The following IL6ST variants were observed in gnomAD, a reference collection of about 807,000 sequenced individuals.
The protein encoded by IL6ST is interleukin-6 receptor subunit beta.
In IL6ST, 24 loss-of-function variants were observed where a neutral mutation model predicts 91.3. That is an observed-to-expected ratio of 0.26 (90% confidence interval 0.19 to 0.37). IL6ST has a LOEUF of 0.37. IL6ST is among the 10% of genes least tolerant of loss of function. IL6ST has a pLI of 1.00. For synonymous variants in IL6ST, 351 were observed against 373.6 expected (o/e 0.94, Z 0.70); for missense variants, 914 against 1,078.5 (o/e 0.85, Z 2.14).
chr5:55,955,083 T>A (rs570104113), intron 10 of IL6ST, 91 bp from the exon 11 acceptor site: 40 of 907,328 alleles, frequency 4.4e-5, no homozygotes, highest in Non-Finnish European at 6.6e-5. Context: ...ATGTGATTTA[T>A]CAATTTTTGT....
At chr5:55,978,710 G>A (rs1420570463) in intron 2 of IL6ST, among the ~76,000 whole-genome samples, 1 of 152,236 alleles carries the variant, frequency 6.6e-6, no homozygotes, top group Non-Finnish European at 1.5e-5. Context: ...AGGTGACAGA[G>A]CGAGACTCCG....
intron 8 of IL6ST, among the ~76,000 whole-genome samples, chr5:55,957,720 C>T (rs1216362178): frequency 1.3e-5 from 2 of 152,104 alleles, no homozygotes; most frequent in African/African-American, 4.8e-5. Context: ...ATGATCAACA[C>T]ATCACTGCTT....
intron 2 of IL6ST, among the ~76,000 whole-genome samples, chr5:55,981,427 A>C (rs1458479364): frequency 1.3e-5 from 2 of 152,126 alleles, no homozygotes; most frequent in African/African-American, 4.8e-5. Flanking sequence ...GGCGGATGAC[A>C]AGGTCAGGAG....
intron 3 of IL6ST, among the ~76,000 whole-genome samples, chr5:55,972,610 T>C (rs990115624): frequency 6.6e-6 from 1 of 152,212 alleles, no homozygotes; most frequent in African/African-American, 2.4e-5. Flanking sequence ...GCTACCAGGC[T>C]GAGATTAAAT....
chr5:55,983,357 G>T (rs1044360799), intron 1 of IL6ST, among the ~76,000 whole-genome samples: 1 of 152,108 alleles, frequency 6.6e-6, no homozygotes, highest in East Asian at 1.9e-4. Context: ...CTTCCCTGAC[G>T]TCTATGTAAT....
In IL6ST at chr5:55,936,174, A is replaced by G; in HGVS notation, c.*4908T>C. 1.8e-5 allele frequency: 4 copies of G among 226,798 alleles called. No homozygotes were observed. Among genetic ancestry groups the G allele is most frequent in the Non-Finnish European group, 3.5e-5 (4 of 114,000 alleles). 14.0% of individuals were successfully genotyped at this position (226,798 alleles called of 1,614,324 possible). A position where few individuals can be genotyped will look rare whatever the true frequency, so the allele number is the denominator to read the frequency against. ...GGACTTGCTGACTGATTAGTTTCATATACTACTTAGTAACCTCAAGAAGTA... is the reference window on the plus strand; with the variant it reads ...GGACTTGCTGACTGATTAGTTTCATGTACTACTTAGTAACCTCAAGAAGTA... On this transcript the variant is annotated 3_prime_UTR_variant, in exon 17 of 17. Coordinates refer to ENST00000381298, the MANE Select transcript of IL6ST (RefSeq NM_002184.4).
chr5:55,978,313 A>G (rs935407694), intron 2 of IL6ST: 1 of 152,266 alleles, frequency 6.6e-6, no homozygotes, highest in Non-Finnish European at 1.5e-5. Flanking sequence ...AAACTTGAAA[A>G]ATATGCAGGA....
intron 7 of IL6ST, 26 bp from the exon 8 acceptor site, chr5:55,960,587 G>C (rs757870140): frequency 1.3e-6 from 2 of 1,594,126 alleles, no homozygotes; most frequent in Non-Finnish European, 1.7e-6. Flanking sequence ...CCAAACAACA[G>C]AAAACCTCAA....
chr5:55,952,121 C>T, intron 12 of IL6ST, 46 bp from the exon 13 acceptor site: 3 of 1,570,114 alleles, frequency 1.9e-6, no homozygotes, highest in Non-Finnish European at 2.6e-6. Context: ...CATTTACAAT[C>T]TAGTAAAATT....
Position 55,937,411 on chromosome 5 carries a change from GAAA to G in IL6ST, c.*3668_*3670del, listed in dbSNP as rs570292742. On this transcript the variant is annotated 3_prime_UTR_variant, in exon 17 of 17. Transcript: ENST00000381298. ...GCACATACTAGTAGCATGTATGATG[GAAA>G]AAAATAGGTTAATGCAAAAGATAAT... 2 of 212,140 alleles carry G rather than the reference GAAA, an allele frequency of 9.4e-6. No homozygotes were observed. The highest frequency in any genetic ancestry group is 1.9e-5 in the Non-Finnish European group (2 of 104,768). 13.1% of individuals were successfully genotyped at this position (212,140 alleles called of 1,614,324 possible).
At chr5:55,951,411 A>G (rs368862049) in intron 14 of IL6ST, 53 bp downstream of exon 14, 58 of 1,404,016 alleles carry the variant, frequency 4.1e-5, no homozygotes, top group East Asian at 3.4e-4. Context: ...AACTAAGTTC[A>G]TTTCTAACCT....
At chr5:55,943,197 C>G (rs1751027629) in intron 15 of IL6ST, among the ~76,000 whole-genome samples, 1 of 152,116 alleles carries the variant, frequency 6.6e-6, no homozygotes, top group African/African-American at 2.4e-5. Flanking sequence ...GCCTACCAGA[C>G]TGACTCTCCT....
In IL6ST at chr5:55,940,107, T is replaced by G. The variant is rs1022966067; in HGVS notation, c.*975A>C. On this transcript the variant is annotated 3_prime_UTR_variant, in exon 17 of 17. Coordinates refer to ENST00000381298, the MANE Select transcript of IL6ST (RefSeq NM_002184.4). ...TTCATCTACCCAGTACTCTGAAGTC[T>G]TAAGAAAAGTCAATGATATGTGTGT... 2 of 173,172 alleles carry G rather than the reference T, an allele frequency of 1.2e-5. No individual in the cohort carries two copies. The highest frequency in any genetic ancestry group is 2.6e-5 in the African/African-American group (1 of 39,172). 10.7% of individuals were successfully genotyped at this position (173,172 alleles called of 1,614,324 possible). A position where few individuals can be genotyped will look rare whatever the true frequency, so the allele number is the denominator to read the frequency against.
intron 14 of IL6ST, among the ~76,000 whole-genome samples, chr5:55,948,383 G>A (rs2111648474): frequency 6.6e-6 from 1 of 152,192 alleles, no homozygotes; most frequent in Non-Finnish European, 1.5e-5. Flanking sequence ...TAATATTGCA[G>A]CCATATACTA....
At chr5:55,949,019 A>G in intron 14 of IL6ST, 1 of 152,352 alleles carries the variant, frequency 6.6e-6, no homozygotes, top group South Asian at 2.1e-4. Flanking sequence ...AGGTTATAAA[A>G]TAATACTAAG....
chr5:55,994,271 T>C (rs546537891), intron 1 of IL6ST: 2 of 152,188 alleles, frequency 1.3e-5, no homozygotes, highest in Non-Finnish European at 2.9e-5. Context: ...GGAATGATAA[T>C]TATTAATAGA....
In IL6ST at chr5:55,940,697, T is replaced by C. The variant is rs1750848563; in HGVS notation, c.*385A>G. ...ACTGTCCCTAAGCCACTCTGATGAC[T>C]ATTCTAATCAAAATCAGTATAGCTG... On this transcript the variant is annotated 3_prime_UTR_variant, in exon 17 of 17. Transcript: ENST00000381298. 1 of 236,422 alleles carries C rather than the reference T, an allele frequency of 4.2e-6. No homozygotes were observed. Among genetic ancestry groups the C allele is most frequent in the Admixed American group, 5.1e-5 (1 of 19,630 alleles). 14.6% of individuals were successfully genotyped at this position (236,422 alleles called of 1,614,324 possible).
intron 2 of IL6ST, among the ~76,000 whole-genome samples, chr5:55,977,250 T>C (rs1032958288): frequency 6.6e-6 from 1 of 151,308 alleles, no homozygotes; most frequent in Admixed American, 6.5e-5. Context: ...TATAACTCTA[T>C]TTACAGGAAA....
intron 2 of IL6ST, among the ~76,000 whole-genome samples, chr5:55,976,720 A>G (rs970435606): frequency 7.9e-5 from 12 of 152,342 alleles, no homozygotes; most frequent in Admixed American, 5.9e-4. Context: ...AATGCCTACA[A>G]ATCACTAAAA....
Sources: allele counts gnomAD v4.1 joint callset (sites outside exome capture counted in the v4.1 genomes callset), GRCh38; gene constraint gnomAD v4.1.1; transcripts MANE v1.5; gene names NCBI Gene and HGNC (gene_info 2026-07-23, HGNC 2026-07-21).